MAGI3: variants seen among roughly 807,000 people sequenced by gnomAD.
The protein encoded by MAGI3 is membrane associated guanylate kinase, WW and PDZ domain containing 3, also known as membrane-associated guanylate kinase, WW and PDZ domain-containing protein 3.
In MAGI3, 43 loss-of-function variants were observed where a neutral mutation model predicts 121.8. The observed-to-expected ratio is 0.35, with a 90% CI of 0.28 to 0.46. The LOEUF (loss-of-function observed/expected upper bound fraction) is 0.46, where lower values mean the gene tolerates loss of function less well. MAGI3 is among the 20% of genes least tolerant of loss of function. MAGI3 has a pLI of 1.00. For missense variants in MAGI3, 1,547 were observed against 1,797.3 expected (o/e 0.86, Z 2.52); for synonymous variants, 553 against 639.3 (o/e 0.86, Z 2.04).
chr1:113,435,338 C>T (rs1653513717), intron 1 of MAGI3, among the ~76,000 whole-genome samples: 1 of 152,008 alleles, frequency 6.6e-6, no homozygotes, highest in South Asian at 2.1e-4. Context: ...GAATTCTTGA[C>T]CCTCAGCCTA....
At chr1:113,503,752 A>G (rs1040885748) in intron 1 of MAGI3, among the ~76,000 whole-genome samples, 5 of 151,996 alleles carry the variant, frequency 3.3e-5, no homozygotes, top group African/African-American at 1.2e-4. Context: ...ATTCTCATAT[A>G]TTGGCTTAGC....
intron 1 of MAGI3, among the ~76,000 whole-genome samples, chr1:113,548,166 C>T (rs980742363): frequency 5.3e-5 from 8 of 152,174 alleles, no homozygotes; most frequent in Non-Finnish European, 1.2e-4. Context: ...GTGCGTTGCT[C>T]TAAATAAAAG....
chr1:113,606,994 CTCTA>C (rs1351630973), intron 6 of MAGI3, among the ~76,000 whole-genome samples: 5 of 152,086 alleles, frequency 3.3e-5, no homozygotes, highest in Admixed American at 1.3e-4. Context: ...TTTATTCTTT[CTCTA>C]TCTGTGATTT....
At chr1:113,574,951 G>A (rs563119006) in intron 2 of MAGI3, among the ~76,000 whole-genome samples, 1 of 152,098 alleles carries the variant, frequency 6.6e-6, no homozygotes, top group East Asian at 1.9e-4. Flanking sequence ...TTCAGTCTCT[G>A]ATATCCGTTC....
chr1:113,577,801 T>C (rs911609726), intron 2 of MAGI3, among the ~76,000 whole-genome samples: 9 of 152,200 alleles, frequency 5.9e-5, no homozygotes, highest in East Asian at 3.8e-4. Context: ...GTTGCCTAAA[T>C]TGTGCCGTTA....
chr1:113,509,467 A>G (rs373067483), intron 1 of MAGI3, among the ~76,000 whole-genome samples: 50 of 142,576 alleles, frequency 3.5e-4, no homozygotes, highest in African/African-American at 1.3e-3. Context: ...GTAATGAAAT[A>G]CTAATTTTAA....
chr1:113,550,113 C>G (rs1192326733), intron 2 of MAGI3, among the ~76,000 whole-genome samples: 3 of 95,588 alleles, frequency 3.1e-5, no homozygotes, highest in Admixed American at 1.2e-4. Flanking sequence ...GATACTCTGT[C>G]TAAAAAAAAA....
intron 6 of MAGI3, among the ~76,000 whole-genome samples, chr1:113,613,542 G>T (rs1329126381): frequency 6.6e-6 from 1 of 152,168 alleles, no homozygotes; most frequent in Non-Finnish European, 1.5e-5. Context: ...GAGGCTAAAT[G>T]ATATAAAACT....
intron 1 of MAGI3, among the ~76,000 whole-genome samples, chr1:113,425,202 G>T (rs1334600380): frequency 6.6e-6 from 1 of 150,468 alleles, no homozygotes; most frequent in Non-Finnish European, 1.5e-5. Context: ...TTACATGTTT[G>T]GTAAAATTAT....
At chr1:113,610,553 G>A (rs1218864512) in intron 6 of MAGI3, among the ~76,000 whole-genome samples, 1 of 152,124 alleles carries the variant, frequency 6.6e-6, no homozygotes. Flanking sequence ...TCACTCAAAT[G>A]TAACACCTTC....
At chr1:113,495,062 T>G (rs377071815) in intron 1 of MAGI3, among the ~76,000 whole-genome samples, 19 of 152,176 alleles carry the variant, frequency 1.2e-4, no homozygotes, top group East Asian at 9.6e-4. Flanking sequence ...TCATAGGAAT[T>G]AACTCTTTCA....
At chr1:113,640,941 T>A (rs1469892410) in intron 9 of MAGI3, among the ~76,000 whole-genome samples, 5 of 121,952 alleles carry the variant, frequency 4.1e-5, no homozygotes, top group South Asian at 2.5e-4. Flanking sequence ...ATCATATATA[T>A]AAATATATAT....
chr1:113,452,271 T>G (rs17461231), intron 1 of MAGI3, among the ~76,000 whole-genome samples: 9,606 of 152,184 alleles, frequency 0.063, 325 homozygotes, highest in Non-Finnish European at 0.074. Context: ...TGAAGTCATT[T>G]GGCATTCATT....
chr1:113,495,048 G>T (rs576707251), intron 1 of MAGI3, among the ~76,000 whole-genome samples: 10 of 151,874 alleles, frequency 6.6e-5, no homozygotes, highest in Non-Finnish European at 1.5e-4. Flanking sequence ...ATTTTTGTAG[G>T]TTTTCATAGG....
At chr1:113,573,388 C>CATTT (rs1647430678) in intron 2 of MAGI3, among the ~76,000 whole-genome samples, 1 of 152,186 alleles carries the variant, frequency 6.6e-6, no homozygotes, top group South Asian at 2.1e-4. Flanking sequence ...GATTCTGGTA[C>CATTT]ATTTTGTCTT....
At position 113,585,372 on chromosome 1, in the gene MAGI3, T is replaced by C. The variant is rs1401996353; in HGVS notation, c.554-15T>C. ...GCAACATTAGTAATTTCAGCTGCTA[T>C]TTTATTCACTTCAGGAAACTTCTAT... is the stretch of plus-strand genomic sequence containing the variant. On this transcript the variant is annotated splice_polypyrimidine_tract_variant and intron_variant, in intron 3 of 20. Coordinates refer to ENST00000307546, the MANE Select transcript of MAGI3 (RefSeq NM_001142782.2). 6.2e-7 allele frequency: 1 copy of C among 1,612,026 alleles called. No homozygotes were observed. The highest frequency in any genetic ancestry group is 1.1e-5 in the South Asian group (1 of 90,972).
At chr1:113,406,918 G>T (rs1224698567) in intron 1 of MAGI3, among the ~76,000 whole-genome samples, 1 of 152,142 alleles carries the variant, frequency 6.6e-6, no homozygotes, top group Admixed American at 6.5e-5. Flanking sequence ...TGAATGACTG[G>T]GAGGCAGGCA....
At chr1:113,431,315 C>G (rs1464954065) in intron 1 of MAGI3, among the ~76,000 whole-genome samples, 1 of 152,108 alleles carries the variant, frequency 6.6e-6, no homozygotes, top group African/African-American at 2.4e-5. Context: ...CTTGCCTTCA[C>G]TATTTCTATT....
chr1:113,563,731 A>G (rs1053458748), intron 2 of MAGI3, among the ~76,000 whole-genome samples: 2 of 152,180 alleles, frequency 1.3e-5, no homozygotes, highest in African/African-American at 4.8e-5. Context: ...AGTCCAGCCA[A>G]TGTCTTAGCT....
Sources: allele counts gnomAD v4.1 joint callset (sites outside exome capture counted in the v4.1 genomes callset), GRCh38; gene constraint gnomAD v4.1.1; transcripts MANE v1.5; gene names NCBI Gene and HGNC (gene_info 2026-07-23, HGNC 2026-07-21).